MBNL2: variants seen among roughly 807,000 people sequenced by gnomAD.
The protein encoded by MBNL2 is muscleblind like splicing regulator 2.
Under a neutral mutation model 41.9 loss-of-function variants are expected in MBNL2, and 17 were observed. The observed-to-expected ratio is 0.41, with a 90% confidence interval of 0.28 to 0.61. The LOEUF is 0.61. Among genes scored for constraint, MBNL2 ranks in the 20% least tolerant of loss-of-function variants. The probability of loss-of-function intolerance (pLI) is 0.35; values close to 1 mark genes in which losing one functional copy is unlikely to be tolerated. For synonymous variants in MBNL2, 195 were observed against 182.9 expected, an observed-to-expected ratio of 1.07 and a Z score of -0.53; for missense variants, 336 against 505.6, an observed-to-expected ratio of 0.66 and a Z score of 3.22.
chr13:97,283,098 G>A (rs1015304984), intron 2 of MBNL2, among the ~76,000 whole-genome samples: 1 of 152,172 alleles, frequency 6.6e-6, no homozygotes, highest in African/African-American at 2.4e-5. Context: ...CTTTTTGCCT[G>A]TGTTGTTTTC....
chr13:97,275,423 A>G (rs2051997410), intron 1 of MBNL2, among the ~76,000 whole-genome samples: 1 of 152,154 alleles, frequency 6.6e-6, no homozygotes. Context: ...AGTCATTCCT[A>G]ACTTTTGGAC....
chr13:97,300,754 C>CAAA, intron 2 of MBNL2, among the ~76,000 whole-genome samples: 1 of 152,330 alleles, frequency 6.6e-6, no homozygotes, highest in Middle Eastern at 3.4e-3. Flanking sequence ...TTTGGGTGCT[C>CAAA]AATCCCTACT....
chr13:97,173,078 A>G, the MBNL2 span, among the ~76,000 whole-genome samples: 2 of 152,190 alleles, frequency 1.3e-5, no homozygotes, highest in Admixed American at 1.3e-4. Context: ...AAGAAAAGGG[A>G]TGTGTTGTAT....
At chr13:97,357,670 T>C (rs772120859) in intron 7 of MBNL2, 35 bp downstream of exon 7, 2 of 1,603,754 alleles carry the variant, frequency 1.2e-6, no homozygotes, top group Admixed American at 3.3e-5. Flanking sequence ...CCTGTGCCCT[T>C]CTGGTCATGT....
intron 2 of MBNL2, among the ~76,000 whole-genome samples, chr13:97,279,521 A>T (rs1237996433): frequency 6.6e-6 from 1 of 152,220 alleles, no homozygotes; most frequent in Non-Finnish European, 1.5e-5. Context: ...TCTTGTGCCC[A>T]ATTCTTAACA....
chr13:97,218,440 C>CAAAACAAAACCAAACAAAA (rs55815508), upstream of MBNL2, among the ~76,000 whole-genome samples: 1 of 117,974 alleles, frequency 8.5e-6, no homozygotes, highest in African/African-American at 3.4e-5. Flanking sequence ...CAAAACAAAA[C>CAAAACAAAACCAAACAAAA]AAAAAAAAAA....
chr13:97,214,812 A>G, the MBNL2 span, among the ~76,000 whole-genome samples: 1 of 152,232 alleles, frequency 6.6e-6, no homozygotes, highest in Non-Finnish European at 1.5e-5. Flanking sequence ...ACAGATGCAC[A>G]GTGATCCCTC....
chr13:97,291,236 AATT>A lies in MBNL2; in HGVS notation c.174+14846_174+14848del, dbSNP rs546598699. Among the ~76,000 whole-genome samples, 478 of 151,620 alleles carry A rather than the reference AATT, an allele frequency of 3.2e-3. 1 individual carries two copies. The highest frequency in any genetic ancestry group is 0.011 in the African/African-American group (453 of 41,366). On this transcript the variant is annotated intron_variant, in intron 2 of 8. Coordinates refer to ENST00000679496, the MANE Select transcript of MBNL2 (RefSeq NM_001382683.1). Reference sequence around the variant, plus strand: ...GGATTTACAATATGTTTTGAGGTAGAATTATTATTATTATTATTATTTTGAGAC... The same window carrying A: ...GGATTTACAATATGTTTTGAGGTAGAATTATTATTATTATTATTTTGAGAC...
intron 3 of MBNL2, among the ~76,000 whole-genome samples, chr13:97,336,290 C>G (rs1472115234): frequency 6.6e-6 from 1 of 151,828 alleles, no homozygotes; most frequent in African/African-American, 2.4e-5. Context: ...TTAAAAATTA[C>G]CAACTCTACA....
At chr13:97,367,056 C>T (rs763307049) in intron 8 of MBNL2, among the ~76,000 whole-genome samples, 29 of 152,336 alleles carry the variant, frequency 1.9e-4, no homozygotes, top group Middle Eastern at 3.4e-3. Context: ...TTCTGCCAAA[C>T]TCACTTGGTT....
At chr13:97,322,794 C>G (rs1470988867) in intron 2 of MBNL2, among the ~76,000 whole-genome samples, 1 of 152,150 alleles carries the variant, frequency 6.6e-6, no homozygotes, top group Non-Finnish European at 1.5e-5. Flanking sequence ...AACTCCGACA[C>G]CAGCAACCAA....
the MBNL2 span, among the ~76,000 whole-genome samples, chr13:97,181,659 A>G: frequency 1.3e-5 from 2 of 152,226 alleles, no homozygotes; most frequent in African/African-American, 4.8e-5. Context: ...AGGCAGTCTA[A>G]GCATGACTTT....
the MBNL2 span, among the ~76,000 whole-genome samples, chr13:97,171,447 C>T: frequency 6.6e-6 from 1 of 152,068 alleles, no homozygotes; most frequent in Admixed American, 6.5e-5. Context: ...GACAGTTTTG[C>T]AAAATCATTA....
chr13:97,350,818 G>A (rs1594250864), intron 5 of MBNL2, among the ~76,000 whole-genome samples: 1 of 152,138 alleles, frequency 6.6e-6, no homozygotes, highest in East Asian at 1.9e-4. Flanking sequence ...TTTAAGTCTT[G>A]AACCCCTCAA....
At chr13:97,235,090 C>T (rs1050402376) in intron 1 of MBNL2, among the ~76,000 whole-genome samples, 1 of 152,154 alleles carries the variant, frequency 6.6e-6, no homozygotes, top group African/African-American at 2.4e-5. Context: ...GGTGTTGAAC[C>T]ATTTCTCTAT....
In MBNL2 at chr13:97,334,147, C is replaced by CA. The variant is rs1491100728; in HGVS notation, c.175-129_175-128insA. On this transcript the variant is annotated intron_variant, in intron 2 of 8. Coordinates refer to ENST00000679496, the MANE Select transcript of MBNL2 (RefSeq NM_001382683.1). The surrounding 1 kb of genome is among the most constrained non-coding windows in gnomAD (Gnocchi z 5.3). ...AAACACATGAGCATGCGCGCGCACACCCACACACACACACACACACACACA... is the reference window on the plus strand; with the variant it reads ...AAACACATGAGCATGCGCGCGCACACACCACACACACACACACACACACACA... 166 of 626,202 alleles carry CA rather than the reference C, an allele frequency of 2.7e-4. No homozygotes were observed. The African/African-American group carries it at 3.9e-3, about 15-fold the overall frequency. The allele number at this position is 626,202 out of a possible 1,614,324, so 38.8% of individuals were successfully genotyped here. A position where few individuals can be genotyped will look rare whatever the true frequency, so the allele number is the denominator to read the frequency against.
At chr13:97,354,334 T>C (rs774498637) in intron 5 of MBNL2, among the ~76,000 whole-genome samples, 75 of 152,232 alleles carry the variant, frequency 4.9e-4, no homozygotes, top group Non-Finnish European at 1.1e-3. Flanking sequence ...AGCATCTGTA[T>C]ATGAAAATGC....
chr13:97,225,319 A>G (rs2041432562), intron 1 of MBNL2, among the ~76,000 whole-genome samples: 1 of 152,094 alleles, frequency 6.6e-6, no homozygotes, highest in African/African-American at 2.4e-5. Context: ...TTTTTCCTGT[A>G]CTTTCCTACC....
the MBNL2 span, among the ~76,000 whole-genome samples, chr13:97,185,802 T>C: frequency 2.6e-5 from 4 of 152,238 alleles, no homozygotes; most frequent in African/African-American, 9.6e-5. Context: ...TAGGCTTGTG[T>C]TAATTCATCA....
Sources: gnomAD v4.1 joint callset for allele counts (sites outside exome capture counted in the v4.1 genomes callset) on GRCh38, gnomAD v4.1.1 for gene constraint, Gnocchi (gnomAD v3.1) non-coding constraint, MANE v1.5 for transcripts, NCBI Gene and HGNC (gene_info 2026-07-23, HGNC 2026-07-21) for gene names.